CPZ: variants seen among roughly 807,000 people sequenced by gnomAD.
CPZ encodes VEZT/CPZ fusion.
In CPZ, 103 loss-of-function variants were observed where a neutral mutation model predicts 61.8. That is an observed-to-expected ratio of 1.67 (90% CI 1.42 to 1.96). CPZ has a LOEUF of 1.96. Ranked by LOEUF, CPZ falls within the 30% of genes most tolerant of loss-of-function variation. CPZ has a pLI of 0.00. For missense variants in CPZ, 1,461 were observed against 914.9 expected, an observed-to-expected ratio of 1.60 and a Z score of -7.70; for synonymous variants, 551 against 373.7, an observed-to-expected ratio of 1.47 and a Z score of -5.47.
chr4:8,608,938 A>C (rs1199236665), intron 7 of CPZ, among the ~76,000 whole-genome samples: 1 of 151,240 alleles, frequency 6.6e-6, no homozygotes, highest in Non-Finnish European at 1.5e-5. Flanking sequence ...AGTGACAGCA[A>C]CACCTGGGCC....
intron 4 of CPZ, among the ~76,000 whole-genome samples, chr4:8,605,453 ATCATCCG>A (rs987707156): frequency 6.6e-6 from 1 of 152,000 alleles, no homozygotes; most frequent in African/African-American, 2.4e-5. Flanking sequence ...ACACCCATCC[ATCATCCG>A]TCCATCCATT....
At chr4:8,612,221 G>T in intron 8 of CPZ, 59 bp downstream of exon 8, 1 of 206,196 alleles carries the variant, frequency 4.8e-6, no homozygotes, top group Admixed American at 6.0e-5. Flanking sequence ...GCTGGGTGGG[G>T]CAGGGGCAAG....
In CPZ at chr4:8,606,068, G is replaced by A. The variant is rs772142122; in HGVS notation, c.789G>A (p.Gln263=). 3.7e-6 allele frequency: 6 copies of A among 1,614,218 alleles called. No individual in the cohort carries two copies. In the Admixed American group the frequency reaches 8.3e-5, roughly 22 times the overall value. ...GGGAGATGCTCATCTACCTAGCCCAGTACCTGTGCTCTGAGTACCTGCTTG... is the reference window on the plus strand; with the variant it reads ...GGGAGATGCTCATCTACCTAGCCCAATACCTGTGCTCTGAGTACCTGCTTG... ...AGREMLIYLA[Q]YLCSEYLLGN... Residue 263 remains glutamine, a synonymous_variant, in exon 5 of 11, where the codon CAG becomes CAA. Transcript: ENST00000360986.
chr4:8,596,512 G>C (rs1396753227), intron 1 of CPZ, among the ~76,000 whole-genome samples: 1 of 152,250 alleles, frequency 6.6e-6, no homozygotes, highest in Non-Finnish European at 1.5e-5. Context: ...GGGCTGCATG[G>C]CTTATTGTGG....
chr4:8,613,188 G>A (rs1715861537), intron 8 of CPZ, among the ~76,000 whole-genome samples: 1 of 148,650 alleles, frequency 6.7e-6, no homozygotes, highest in African/African-American at 2.5e-5. Flanking sequence ...CTGGAGCACA[G>A]TGGTGCGATC....
In CPZ at chr4:8,619,259, C is replaced by G; in HGVS notation, c.1604-3C>G. On this transcript the variant is annotated splice_polypyrimidine_tract_variant and splice_region_variant and intron_variant, in intron 10 of 10. Transcript: ENST00000360986. ...GAATCATTTTTAATCTATTTGTCCA[C>G]AGCCCCAGATGGTGACTACTGGAGA... The G allele has an allele frequency of 6.2e-7, 1 of 1,604,648 alleles. No individual in the cohort carries two copies. Among genetic ancestry groups the G allele is most frequent in the Non-Finnish European group, 8.5e-7 (1 of 1,175,652 alleles).
intron 1 of CPZ, among the ~76,000 whole-genome samples, chr4:8,594,270 G>A (rs1393516039): frequency 6.6e-6 from 1 of 152,202 alleles, no homozygotes; most frequent in East Asian, 1.9e-4. Flanking sequence ...GCAGAAGTGG[G>A]CAGAGCCGGT....
intron 8 of CPZ, among the ~76,000 whole-genome samples, 172 bp downstream of exon 8, chr4:8,612,334 C>G (rs762814071): frequency 7.6e-5 from 11 of 144,948 alleles, no homozygotes; most frequent in Non-Finnish European, 1.5e-4. Context: ...TTGTTTCTGT[C>G]TTGATGAAAA....
intron 1 of CPZ, among the ~76,000 whole-genome samples, chr4:8,598,517 C>T (rs954590860): frequency 1.1e-4 from 17 of 152,234 alleles, no homozygotes; most frequent in Admixed American, 1.1e-3. Context: ...CTCCCTGGCC[C>T]CCTGCACCCA....
chr4:8,602,353 C>T (rs1448710447), intron 3 of CPZ: 3 of 152,326 alleles, frequency 2.0e-5, no homozygotes, highest in East Asian at 1.9e-4. Context: ...AAGACAGTTA[C>T]CACTGGCCGC....
chr4:8,606,875 C>G lies in CPZ; in HGVS notation c.1045C>G (p.Pro349Ala), dbSNP rs773026439. Residue 349 changes from proline (P) to alanine (A), a missense_variant, in exon 6 of 11, where the codon CCC (proline) becomes GCC (alanine). Physicochemically the swap from Pro to Ala is conservative, Grantham distance 27 (BLOSUM62 -1). Coordinates refer to ENST00000360986, the MANE Select transcript of CPZ (RefSeq NM_001014447.3). Reference protein sequence around the residue: ...RGARSDHIPIPQHYWWGKVAP... With the variant: ...RGARSDHIPIAQHYWWGKVAP... ...CGCACGCAGCGACCACATCCCCATC[C>G]CCCAGCACTACTGGTGGGGTAAGGT... The G allele has an allele frequency of 1.2e-6, 2 of 1,612,592 alleles. No homozygotes were observed. The highest frequency in any genetic ancestry group is 1.1e-5 in the South Asian group (1 of 90,986).
chr4:8,597,905 G>C (rs1261405513), intron 1 of CPZ, among the ~76,000 whole-genome samples: 1 of 152,198 alleles, frequency 6.6e-6, no homozygotes, highest in African/African-American at 2.4e-5. Context: ...CTTGCCCGGG[G>C]CCCCCGGCTG....
rs376188110 is a variant in CPZ, at chr4:8,604,190, T to C, written c.709+2T>C. The C allele has an allele frequency of 8.4e-6, 13 of 1,542,096 alleles. No individual in the cohort carries two copies. The highest frequency in any genetic ancestry group is 1.1e-5 in the Non-Finnish European group (13 of 1,140,262). On this transcript the variant is annotated splice_donor_variant, in intron 4 of 10. Coordinates refer to ENST00000360986, the MANE Select transcript of CPZ (RefSeq NM_001014447.3). LOFTEE classifies it high-confidence loss of function. ...GCCGCCCCGGCCAGCACGAGCTGAG[T>C]GAGTGCCCTTGGGAGAGCCTGGCCT...
chr4:8,608,526 T>G (rs1366477436), intron 7 of CPZ, among the ~76,000 whole-genome samples: 2 of 151,966 alleles, frequency 1.3e-5, no homozygotes, highest in African/African-American at 4.8e-5. Flanking sequence ...GGGCCATCAT[T>G]GGGAATGCAA....
chr4:8,605,937 TG>T, intron 4 of CPZ, 51 bp from the exon 5 acceptor site: 1 of 1,574,530 alleles, frequency 6.4e-7, no homozygotes, highest in Admixed American at 1.7e-5. Context: ...CTCATGCCTT[TG>T]GGGACCCCCG....
intron 1 of CPZ, among the ~76,000 whole-genome samples, chr4:8,594,001 G>A (rs1261893723): frequency 6.6e-6 from 1 of 152,068 alleles, no homozygotes; most frequent in African/African-American, 2.4e-5. Context: ...AGGCTTGTTG[G>A]AGACCACAGC....
intron 1 of CPZ, among the ~76,000 whole-genome samples, chr4:8,594,819 C>G (rs913738964): frequency 1.0e-4 from 15 of 150,108 alleles, no homozygotes; most frequent in Non-Finnish European, 2.1e-4. Context: ...GTCGCCCAGG[C>G]TGGAGTGCAG....
chr4:8,599,642 GA>G, intron 2 of CPZ, 157 bp downstream of exon 2: 5 of 1,452,608 alleles, frequency 3.4e-6, no homozygotes, highest in Non-Finnish European at 2.7e-6. Context: ...AACAGCCAGA[GA>G]AAAATTAGAC....
intron 3 of CPZ, 137 bp downstream of exon 3, chr4:8,601,634 C>A: frequency 1.0e-6 from 1 of 961,480 alleles, no homozygotes; most frequent in Non-Finnish European, 1.4e-6. Flanking sequence ...CGGGGCTGCT[C>A]CCCGAGGCAG....
Sources: gnomAD v4.1 joint callset for allele counts (sites outside exome capture counted in the v4.1 genomes callset) on GRCh38, gnomAD v4.1.1 for gene constraint, MANE v1.5 for transcripts, NCBI Gene and HGNC (gene_info 2026-07-23, HGNC 2026-07-21) for gene names.